EYS: variants seen among roughly 807,000 people sequenced by gnomAD.
EYS encodes the protein EGF-like photoreceptor maintenance factor, also known as protein eyes shut homolog.
A neutral mutation model predicts 282.1 loss-of-function variants in EYS; 250 were observed. The observed-to-expected ratio is 0.89, with a 90% CI of 0.80 to 0.98. The LOEUF (loss-of-function observed/expected upper bound fraction) is 0.98. EYS is among the 50% of genes least tolerant of loss of function. The pLI, the probability that EYS is intolerant of heterozygous loss-of-function variation, is 0.00. For synonymous variants in EYS, 1,355 were observed against 1,282.9 expected (o/e 1.06, Z -1.20); for missense variants, 4,016 against 3,709.0 (o/e 1.08, Z -2.15).
intron 12 of EYS, among the ~76,000 whole-genome samples, chr6:65,067,180 T>C (rs954639352): frequency 3.3e-5 from 5 of 152,126 alleles, no homozygotes; most frequent in Non-Finnish European, 5.9e-5. Context: ...ATGTGGAGAA[T>C]TCAATTGGAA....
chr6:64,641,812 G>A (rs1333469659), intron 22 of EYS, among the ~76,000 whole-genome samples: 1 of 152,098 alleles, frequency 6.6e-6, no homozygotes, highest in South Asian at 2.1e-4. Flanking sequence ...TCTCATAGGA[G>A]CGTGAACCCT....
chr6:64,854,876 G>A (rs899017632), intron 19 of EYS, among the ~76,000 whole-genome samples: 1 of 151,886 alleles, frequency 6.6e-6, no homozygotes, highest in Non-Finnish European at 1.5e-5. Context: ...TTAATTTGTT[G>A]TGAAGTGATA....
intron 28 of EYS, among the ~76,000 whole-genome samples, chr6:64,406,159 A>G (rs1487048105): frequency 6.6e-6 from 1 of 152,166 alleles, no homozygotes; most frequent in Non-Finnish European, 1.5e-5. Flanking sequence ...ATACCACCAC[A>G]CATCTACAAC....
intron 30 of EYS, among the ~76,000 whole-genome samples, chr6:64,242,221 T>C (rs1164918131): frequency 6.6e-6 from 1 of 152,108 alleles, no homozygotes; most frequent in Non-Finnish European, 1.5e-5. Flanking sequence ...GATATCCTTG[T>C]TAATTTTCTG....
intron 7 of EYS, among the ~76,000 whole-genome samples, chr6:65,389,683 A>C (rs1765937967): frequency 6.6e-6 from 1 of 152,092 alleles, no homozygotes; most frequent in Non-Finnish European, 1.5e-5. Context: ...GAAAAGAAGA[A>C]ATCAAAGAGT....
chr6:65,277,059 C>T lies in EYS; in HGVS notation c.2023+18804G>A, dbSNP rs192105114. 3.3e-5 allele frequency among the ~76,000 whole-genome samples: 5 copies of T among 152,146 alleles called. No homozygotes were observed. In the East Asian group the frequency reaches 9.7e-4, roughly 29 times the overall value. Reference sequence around the variant, plus strand: ...GAAATCATTGCTCCTAGTGTGACGCCATTAGAAAATGAGGCCACTGGGAGG... The same window carrying T: ...GAAATCATTGCTCCTAGTGTGACGCTATTAGAAAATGAGGCCACTGGGAGG... On this transcript the variant is annotated intron_variant, in intron 12 of 42. Transcript: ENST00000503581.
At chr6:64,370,247 T>C (rs1772318467) in intron 29 of EYS, among the ~76,000 whole-genome samples, 1 of 152,196 alleles carries the variant, frequency 6.6e-6, no homozygotes, top group Non-Finnish European at 1.5e-5. Context: ...GATGTGGATT[T>C]TATTGAAAGC....
intron 31 of EYS, among the ~76,000 whole-genome samples, chr6:64,183,144 C>T (rs1764836665): frequency 6.6e-6 from 1 of 152,122 alleles, no homozygotes; most frequent in African/African-American, 2.4e-5. Context: ...ATTCTTCTCC[C>T]TCCTGCCACG....
chr6:64,886,871 G>A (rs1245456527), intron 18 of EYS, 29 bp from the exon 19 acceptor site: 5 of 1,342,116 alleles, frequency 3.7e-6, no homozygotes, highest in African/African-American at 1.5e-5. Flanking sequence ...ATGAGGAATA[G>A]CCATGTAACA....
chr6:63,942,869 C>T (rs1765284792), intron 35 of EYS, among the ~76,000 whole-genome samples: 1 of 152,180 alleles, frequency 6.6e-6, no homozygotes, highest in Non-Finnish European at 1.5e-5. Context: ...CCTCCTCAGC[C>T]TACTCAATGT....
intron 11 of EYS, among the ~76,000 whole-genome samples, chr6:65,325,488 A>G (rs1392355386): frequency 6.6e-6 from 1 of 152,088 alleles, no homozygotes; most frequent in African/African-American, 2.4e-5. Flanking sequence ...CTCACAATTC[A>G]TAAGTGATGG....
intron 2 of EYS, among the ~76,000 whole-genome samples, chr6:65,585,293 G>A (rs1023390975): frequency 2.6e-5 from 4 of 151,888 alleles, no homozygotes; most frequent in Admixed American, 2.0e-4. Context: ...TATTGCTAAT[G>A]TATTCATCTC....
At chr6:65,282,506 C>G (rs548276416) in intron 12 of EYS, among the ~76,000 whole-genome samples, 2 of 151,862 alleles carry the variant, frequency 1.3e-5, no homozygotes, top group Non-Finnish European at 2.9e-5. Context: ...GTTGTTAACA[C>G]GTGAGCAAAT....
chr6:65,452,589 C>T (rs1310499614), intron 5 of EYS, among the ~76,000 whole-genome samples: 2 of 151,856 alleles, frequency 1.3e-5, no homozygotes, highest in Non-Finnish European at 2.9e-5. Context: ...CCAACATCTG[C>T]CTAAAATCAA....
intron 12 of EYS, among the ~76,000 whole-genome samples, chr6:65,156,762 C>A (rs1007589798): frequency 6.6e-6 from 1 of 150,992 alleles, no homozygotes; most frequent in African/African-American, 2.4e-5. Flanking sequence ...TCACACACAC[C>A]TTTTTATTCC....
At chr6:63,925,879 C>T (rs183533290) in intron 35 of EYS, among the ~76,000 whole-genome samples, 9 of 152,210 alleles carry the variant, frequency 5.9e-5, no homozygotes, top group East Asian at 1.9e-4. Context: ...CTCCTGACCT[C>T]GTGATCCGCC....
At chr6:64,264,192 T>C (rs536597690) in intron 30 of EYS, among the ~76,000 whole-genome samples, 2 of 152,278 alleles carry the variant, frequency 1.3e-5, no homozygotes, top group East Asian at 3.9e-4. Context: ...ATGTACTAGC[T>C]AATAGTGATT....
At chr6:64,010,400 G>C (rs553798465) in intron 33 of EYS, among the ~76,000 whole-genome samples, 2 of 151,014 alleles carry the variant, frequency 1.3e-5, no homozygotes, top group African/African-American at 2.4e-5. Context: ...GGTTGGGGGG[G>C]GGGGTGGTGG....
intron 22 of EYS, among the ~76,000 whole-genome samples, chr6:64,747,070 T>C (rs2149966035): frequency 6.6e-6 from 1 of 152,290 alleles, no homozygotes; most frequent in East Asian, 1.9e-4. Context: ...CTGTAACTAT[T>C]CTCTGGGTAG....
Sources: gnomAD v4.1 joint callset for allele counts (sites outside exome capture counted in the v4.1 genomes callset) on GRCh38, gnomAD v4.1.1 for gene constraint, MANE v1.5 for transcripts, NCBI Gene and HGNC (gene_info 2026-07-23, HGNC 2026-07-21) for gene names.